Variants in ACACA observed in about 807,000 individuals in gnomAD.
ACACA encodes acetyl-CoA carboxylase 1.
A neutral mutation model predicts 296.1 loss-of-function variants in ACACA; 103 were observed. The ratio of observed to expected loss-of-function variants is 0.35; its 90% CI spans 0.30 to 0.41. ACACA has a LOEUF of 0.41. Among genes scored for constraint, ACACA ranks in the 10% least tolerant of loss-of-function variants. The pLI is 1.00. For synonymous variants in ACACA, 953 were observed against 1,038.6 expected, an observed-to-expected ratio of 0.92 and a Z score of 1.58; for missense variants, 1,554 against 2,989.7, an observed-to-expected ratio of 0.52 and a Z score of 11.20.
intron 48 of ACACA, 107 bp downstream of exon 48, chr17:37,125,591 G>T: frequency 9.3e-7 from 1 of 1,077,212 alleles, no homozygotes; most frequent in Non-Finnish European, 1.4e-6. Flanking sequence ...TTCTCAGACA[G>T]TTCAGACAAA....
intron 19 of ACACA, among the ~76,000 whole-genome samples, chr17:37,246,087 T>G (rs776216507): frequency 5.3e-5 from 8 of 152,208 alleles, no homozygotes; most frequent in Non-Finnish European, 7.3e-5. Flanking sequence ...CTATCTGTCT[T>G]TCAAAACTAA....
intron 41 of ACACA, 97 bp from the exon 42 acceptor site, chr17:37,162,147 A>T: frequency 7.4e-7 from 1 of 1,345,926 alleles, no homozygotes. Context: ...AGGCACAGCC[A>T]TTATGTAAAG....
Position 37,247,887 on chromosome 17 carries a change from A to T in ACACA, c.2309+124T>A, listed in dbSNP as rs371052940. On this transcript the variant is annotated intron_variant, in intron 18 of 55. Transcript: ENST00000616317. The stretch of plus-strand genomic sequence containing the variant: ...GATATTTTTGTTAAGTGCATGTACT[A>T]TTTTTTTTTTTTTTAACTACAAATG... 3.1e-5 allele frequency: 32 copies of T among 1,023,542 alleles called. 1 individual carries two copies. Among genetic ancestry groups the T allele is most frequent in the Middle Eastern group, 6.1e-4 (2 of 3,266 alleles). 63.4% of individuals were successfully genotyped at this position (1,023,542 alleles called of 1,614,324 possible). A position where few individuals can be genotyped will look rare whatever the true frequency, so the allele number is the denominator to read the frequency against.
In ACACA at chr17:37,201,232, A is replaced by G. The variant is rs2078232378; in HGVS notation, c.4057-749T>C. On this transcript the variant is annotated intron_variant, in intron 33 of 55. Coordinates refer to ENST00000616317, the MANE Select transcript of ACACA (RefSeq NM_198834.3). ...GATGGGCAGATCACTTGAGGCCGGGAGTTTGAGACCAGCCTGGCCAACATG... is the reference window on the plus strand; with the variant it reads ...GATGGGCAGATCACTTGAGGCCGGGGGTTTGAGACCAGCCTGGCCAACATG... Among the ~76,000 whole-genome samples, 3 of 152,314 alleles carry G rather than the reference A, an allele frequency of 2.0e-5. No homozygotes were observed. The South Asian group carries it at 6.2e-4, about 32-fold the overall frequency.
chr17:37,382,782 C>T (rs1338625926), intron 1 of ACACA, among the ~76,000 whole-genome samples: 1 of 152,172 alleles, frequency 6.6e-6, no homozygotes, highest in Non-Finnish European at 1.5e-5. Flanking sequence ...ATAGCTTGAA[C>T]CCAGGATGCA....
At chr17:37,223,991 C>G (rs369014348) in intron 27 of ACACA, among the ~76,000 whole-genome samples, 6 of 152,318 alleles carry the variant, frequency 3.9e-5, no homozygotes, top group African/African-American at 1.4e-4. Flanking sequence ...CACTTGAGGT[C>G]AGGAGTTCGA....
chr17:37,147,475 C>T (rs2075861288), intron 45 of ACACA, among the ~76,000 whole-genome samples: 1 of 152,164 alleles, frequency 6.6e-6, no homozygotes, highest in African/African-American at 2.4e-5. Flanking sequence ...TGAAGAAAAA[C>T]ACCAGCACAC....
At chr17:37,151,552 C>G (rs2076039338) in intron 43 of ACACA, 131 bp from the exon 44 acceptor site, 1 of 1,122,144 alleles carries the variant, frequency 8.9e-7, no homozygotes, top group Non-Finnish European at 1.3e-6. Flanking sequence ...GCTTTATGTG[C>G]TTCCTTTTAT....
intron 2 of ACACA, among the ~76,000 whole-genome samples, chr17:37,338,985 A>G (rs1376382525): frequency 2.0e-5 from 3 of 151,772 alleles, no homozygotes; most frequent in Non-Finnish European, 4.4e-5. Flanking sequence ...GGGAGGGAAA[A>G]GGGGTAAAAG....
intron 1 of ACACA, among the ~76,000 whole-genome samples, chr17:37,390,083 G>C (rs1568094174): frequency 7.9e-6 from 1 of 126,900 alleles, no homozygotes; most frequent in African/African-American, 3.1e-5. Context: ...CTAGAGTCCA[G>C]GAGTTTGAGA....
intron 1 of ACACA, among the ~76,000 whole-genome samples, chr17:37,395,831 C>A (rs1236441973): frequency 6.6e-6 from 1 of 152,158 alleles, no homozygotes; most frequent in Non-Finnish European, 1.5e-5. Flanking sequence ...GCGCGAGCCA[C>A]CGCGCCTAGG....
At chr17:37,110,009 G>T (rs1253202504) in intron 52 of ACACA, among the ~76,000 whole-genome samples, 1 of 151,924 alleles carries the variant, frequency 6.6e-6, no homozygotes, top group Non-Finnish European at 1.5e-5. Context: ...ATATCAAAGG[G>T]CAGTGATCCA....
intron 1 of ACACA, among the ~76,000 whole-genome samples, chr17:37,368,092 T>G (rs542279675): frequency 7.4e-5 from 11 of 147,694 alleles, no homozygotes; most frequent in African/African-American, 2.5e-4. Flanking sequence ...AACAAAAAAT[T>G]GTGTCATTAC....
chr17:37,365,019 C>T (rs1202556052), intron 1 of ACACA, among the ~76,000 whole-genome samples: 1 of 152,122 alleles, frequency 6.6e-6, no homozygotes, highest in Non-Finnish European at 1.5e-5. Context: ...GTCTCCCAGG[C>T]TGTAGTTCAG....
At chr17:37,174,020 A>ATATATAT (rs552735515) in intron 41 of ACACA, among the ~76,000 whole-genome samples, 7 of 16,794 alleles carry the variant, frequency 4.2e-4, no homozygotes, top group African/African-American at 7.7e-4. Context: ...ATATATATAT[A>ATATATAT]TTTTTTTTTT....
Position 37,277,025 on chromosome 17 carries a change from C to G in ACACA, c.802+8G>C. 1.2e-6 allele frequency: 2 copies of G among 1,611,204 alleles called. No individual in the cohort carries two copies. Among genetic ancestry groups the G allele is most frequent in the Non-Finnish European group, 1.7e-6 (2 of 1,177,360 alleles). Reference sequence around the variant, plus strand: ...CAGAAAGACGGACAATATGTCAGAACAGCTTACCCATGAAGGCAATGCCAT... The same window carrying G: ...CAGAAAGACGGACAATATGTCAGAAGAGCTTACCCATGAAGGCAATGCCAT... On this transcript the variant is annotated splice_region_variant and intron_variant, in intron 7 of 55. Coordinates refer to ENST00000616317, the MANE Select transcript of ACACA (RefSeq NM_198834.3).
At chr17:37,262,067 G>T (rs2081538532) in intron 11 of ACACA, among the ~76,000 whole-genome samples, 1 of 152,010 alleles carries the variant, frequency 6.6e-6, no homozygotes, top group Admixed American at 6.5e-5. Context: ...TGTCTTCCTT[G>T]GACAAAGGCT....
rs1264421849 is a variant in ACACA, at chr17:37,085,231, C to G, written c.*2085G>C. On this transcript the variant is annotated 3_prime_UTR_variant, in exon 56 of 56. Transcript: ENST00000616317. ...GGGGCTGTGGGAATGTCAGATTGCT[C>G]ATGTTCTGTGCCTCCAACTTGAAAA... 2 of 175,596 alleles carry G rather than the reference C, an allele frequency of 1.1e-5. No homozygotes were observed. Among genetic ancestry groups the G allele is most frequent in the Non-Finnish European group, 2.4e-5 (2 of 84,270 alleles). The allele number at this position is 175,596 out of a possible 1,614,324, so 10.9% of individuals were successfully genotyped here.
intron 18 of ACACA, among the ~76,000 whole-genome samples, chr17:37,247,374 C>CTTTTTTTTTTT (rs59972801): frequency 6.9e-6 from 1 of 145,632 alleles, no homozygotes; most frequent in African/African-American, 2.6e-5. Flanking sequence ...TTGTGAATTT[C>CTTTTTTTTTTT]TTTTTTTTTT....
Sources: allele counts gnomAD v4.1 joint callset (sites outside exome capture counted in the v4.1 genomes callset), GRCh38; gene constraint gnomAD v4.1.1; transcripts MANE v1.5; gene names NCBI Gene and HGNC (gene_info 2026-07-23, HGNC 2026-07-21).